The following DCAF6 variants were observed in gnomAD, a reference collection of about 807,000 sequenced individuals.
The protein encoded by DCAF6 is DDB1- and CUL4-associated factor 6.
DCAF6 carries 54 observed loss-of-function variants against 125.1 expected under a neutral mutation model. The ratio of observed to expected loss-of-function variants is 0.43; its 90% CI spans 0.35 to 0.54. The LOEUF is 0.54. Among genes scored for constraint, DCAF6 ranks in the 20% least tolerant of loss-of-function variants. The pLI is 0.01. For synonymous variants in DCAF6, 371 were observed against 390.4 expected, an observed-to-expected ratio of 0.95 and a Z score of 0.58; for missense variants, 934 against 1,161.7, an observed-to-expected ratio of 0.80 and a Z score of 2.85.
chr1:167,945,962 T>TG, intron 1 of DCAF6, among the ~76,000 whole-genome samples: 1 of 150,712 alleles, frequency 6.6e-6, no homozygotes, highest in Non-Finnish European at 1.5e-5. Context: ...AGGGTTTTTT[T>TG]TTTTTTTTTT....
chr1:167,952,983 C>A (rs1674205925), intron 2 of DCAF6, among the ~76,000 whole-genome samples: 1 of 152,152 alleles, frequency 6.6e-6, no homozygotes, highest in African/African-American at 2.4e-5. Flanking sequence ...TGCTGAAGAT[C>A]CACCTTGCTG....
At chr1:167,882,547 C>T in the DCAF6 span, among the ~76,000 whole-genome samples, 5 of 151,464 alleles carry the variant, frequency 3.3e-5, no homozygotes, top group Non-Finnish European at 7.4e-5. Flanking sequence ...AGTCCCCTCC[C>T]TGCCATGGAT....
At chr1:167,937,253 G>A (rs1369889336) in intron 1 of DCAF6, 2 of 569,996 alleles carry the variant, frequency 3.5e-6, no homozygotes, top group African/African-American at 3.8e-5. Context: ...TGGGCAGAAG[G>A]TACTGGCTTG....
chr1:167,940,657 C>A (rs1429073261), intron 1 of DCAF6, among the ~76,000 whole-genome samples: 2 of 152,054 alleles, frequency 1.3e-5, no homozygotes, highest in Non-Finnish European at 1.5e-5. Flanking sequence ...ATTTTATTAT[C>A]CCATATATAT....
intron 10 of DCAF6, among the ~76,000 whole-genome samples, chr1:168,008,030 C>T (rs1441009406): frequency 1.6e-5 from 2 of 128,712 alleles, no homozygotes; most frequent in Non-Finnish European, 3.1e-5. Flanking sequence ...GAGTGCAGTG[C>T]ACAATCTCAG....
the DCAF6 span, among the ~76,000 whole-genome samples, chr1:167,903,211 G>A: frequency 1.6e-4 from 24 of 152,058 alleles, no homozygotes; most frequent in East Asian, 2.5e-3. Flanking sequence ...AGCTGAGATC[G>A]TGCCACTGCA....
intron 2 of DCAF6, among the ~76,000 whole-genome samples, chr1:167,955,250 T>G (rs965172621): frequency 2.0e-5 from 3 of 152,252 alleles, no homozygotes; most frequent in Non-Finnish European, 4.4e-5. Context: ...GTGTTGCGTC[T>G]TTGTATGAAC....
At chr1:167,879,734 C>A in the DCAF6 span, among the ~76,000 whole-genome samples, 1 of 152,184 alleles carries the variant, frequency 6.6e-6, no homozygotes, top group African/African-American at 2.4e-5. Flanking sequence ...TTACTTATTA[C>A]TACTCTCTTT....
intron 5 of DCAF6, among the ~76,000 whole-genome samples, chr1:167,989,858 C>CT (rs1680581239): frequency 6.8e-6 from 1 of 147,712 alleles, no homozygotes; most frequent in Admixed American, 6.7e-5. Flanking sequence ...AAAATTCTAT[C>CT]TCAAAAAAAA....
At chr1:168,010,363 A>C (rs2103129650) in intron 10 of DCAF6, among the ~76,000 whole-genome samples, 1 of 152,310 alleles carries the variant, frequency 6.6e-6, no homozygotes, top group South Asian at 2.1e-4. Flanking sequence ...TTGAATACGC[A>C]AAATGAATGC....
At chr1:168,046,102 G>A (rs1388506482) in intron 16 of DCAF6, among the ~76,000 whole-genome samples, 2 of 152,088 alleles carry the variant, frequency 1.3e-5, no homozygotes, top group Non-Finnish European at 2.9e-5. Context: ...ATAGTCAAGA[G>A]CATGATGATG....
At chr1:167,943,455 G>A (rs530012568) in intron 1 of DCAF6, among the ~76,000 whole-genome samples, 11 of 152,106 alleles carry the variant, frequency 7.2e-5, no homozygotes, top group Non-Finnish European at 1.2e-4. Flanking sequence ...GTATTTTTTG[G>A]TGTTAGGTTT....
chr1:167,878,903 A>G, the DCAF6 span, among the ~76,000 whole-genome samples: 1 of 152,168 alleles, frequency 6.6e-6, no homozygotes, highest in African/African-American at 2.4e-5. Flanking sequence ...TTGAGTATGG[A>G]GCAGGCTCTG....
rs1053870476 is a variant in DCAF6 at position 168,038,294 on chromosome 1, G to A, written c.1610-77G>A. On this transcript the variant is annotated intron_variant, in intron 12 of 21. Transcript: ENST00000367840. ...TTATGACAAGGACAACCTAATATAA[G>A]TTTTATAAATTTTAGGAAATGTCAT... 2.8e-5 allele frequency: 31 copies of A among 1,089,078 alleles called. 2 individuals are homozygous for A. The highest frequency in any genetic ancestry group is 5.5e-6 in the Non-Finnish European group (4 of 733,916). 67.5% of individuals were successfully genotyped at this position (1,089,078 alleles called of 1,614,324 possible).
At chr1:167,917,738 C>T in the DCAF6 span, 1 of 151,964 alleles carries the variant, frequency 6.6e-6, no homozygotes, top group Admixed American at 6.6e-5. Context: ...TATCATGGAC[C>T]AGGCACTATG....
Position 168,041,892 on chromosome 1 carries a change from G to GCACACA in DCAF6, c.1728-1132_1728-1131insACACAC, listed in dbSNP as rs756614679. On this transcript the variant is annotated intron_variant, in intron 13 of 21. Coordinates refer to ENST00000367840, the MANE Select transcript of DCAF6 (RefSeq NM_001198956.2). ...GGTTTAAAAGAAATACATGTTTGTC[G>GCACACA]CGCACACACACACACACACACACAC... Among the ~76,000 whole-genome samples the GCACACA allele has an allele frequency of 8.8e-4, 106 of 119,848 alleles. 1 individual carries two copies. Among genetic ancestry groups the GCACACA allele is most frequent in the African/African-American group, 1.8e-3 (65 of 35,188 alleles). The allele number at this position is 119,848 out of a possible 152,430, so 78.6% of individuals were successfully genotyped here. A position where few individuals can be genotyped will look rare whatever the true frequency, so the allele number is the denominator to read the frequency against.
At chr1:168,026,235 A>T (rs1240931628) in intron 12 of DCAF6, among the ~76,000 whole-genome samples, 1 of 152,122 alleles carries the variant, frequency 6.6e-6, no homozygotes, top group Non-Finnish European at 1.5e-5. Context: ...ATATTCTCTA[A>T]ATATTTTCAT....
At chr1:168,052,072 G>C (rs929178231) in intron 17 of DCAF6, among the ~76,000 whole-genome samples, 1 of 151,980 alleles carries the variant, frequency 6.6e-6, no homozygotes, top group Admixed American at 6.6e-5. Flanking sequence ...AGTAGAGACA[G>C]GGTTGGTCAC....
intron 2 of DCAF6, among the ~76,000 whole-genome samples, chr1:167,961,342 A>G (rs550264941): frequency 5.3e-5 from 8 of 152,248 alleles, no homozygotes; most frequent in African/African-American, 1.7e-4. Context: ...TCCCGGGTTC[A>G]TGCCATTCTT....
Sources: allele counts gnomAD v4.1 joint callset (sites outside exome capture counted in the v4.1 genomes callset), GRCh38; gene constraint gnomAD v4.1.1; transcripts MANE v1.5; gene names NCBI Gene and HGNC (gene_info 2026-07-23, HGNC 2026-07-21).